Variants in ATXN7L1 observed in about 807,000 individuals in gnomAD.
ATXN7L1 encodes the protein ataxin 7 like 1.
A neutral mutation model predicts 70.8 loss-of-function variants in ATXN7L1; 15 were observed. The ratio of observed to expected loss-of-function variants is 0.21; its 90% CI spans 0.14 to 0.33. The LOEUF (loss-of-function observed/expected upper bound fraction) is 0.33, where lower values mean the gene tolerates loss of function less well. Among genes scored for constraint, ATXN7L1 ranks in the 10% least tolerant of loss-of-function variants. The pLI is 1.00. For synonymous variants in ATXN7L1, 440 were observed against 445.1 expected (o/e 0.99, Z 0.14); for missense variants, 975 against 1,097.1 (o/e 0.89, Z 1.57).
intron 3 of ATXN7L1, among the ~76,000 whole-genome samples, chr7:105,756,797 C>T (rs1325144323): frequency 6.6e-6 from 1 of 152,148 alleles, no homozygotes; most frequent in Non-Finnish European, 1.5e-5. Flanking sequence ...AACTCATTCA[C>T]TTAACGGTGA....
At chr7:105,681,914 G>A (rs966043443) in intron 3 of ATXN7L1, among the ~76,000 whole-genome samples, 2 of 152,038 alleles carry the variant, frequency 1.3e-5, no homozygotes, top group Non-Finnish European at 2.9e-5. Context: ...ATAGAGTTTC[G>A]GTTTTGCAAG....
At chr7:105,637,664 TG>T (rs1291726212) in intron 7 of ATXN7L1, among the ~76,000 whole-genome samples, 5 of 152,336 alleles carry the variant, frequency 3.3e-5, no homozygotes, top group African/African-American at 9.6e-5. Flanking sequence ...TGGACATGCA[TG>T]GATTTTAAAT....
intron 9 of ATXN7L1, chr7:105,617,741 T>G (rs1794122896): frequency 3.4e-5 from 12 of 356,820 alleles, no homozygotes; most frequent in South Asian, 1.7e-4. Context: ...AATAAATTAC[T>G]GACAGTGCCC....
chr7:105,768,476 C>T (rs1244363289), intron 3 of ATXN7L1, among the ~76,000 whole-genome samples: 2 of 152,318 alleles, frequency 1.3e-5, no homozygotes, highest in African/African-American at 2.4e-5. Context: ...TGTGCCTGTA[C>T]TCCAGCTCTC....
intron 2 of ATXN7L1, among the ~76,000 whole-genome samples, chr7:105,873,909 G>A (rs1244136317): frequency 7.2e-5 from 11 of 151,976 alleles, no homozygotes; most frequent in Admixed American, 7.2e-4. Flanking sequence ...GGCAGATCAC[G>A]AGGTCAAGAG....
rs573733959 is a variant in ATXN7L1, at chr7:105,724,573, CAAAAAAAAAAAA to C, written c.356-59297_356-59286del. Reference sequence around the variant, plus strand: ...TGGACGACAGAGCAAGACTCTGTCTCAAAAAAAAAAAAAAAAAAAAAAAAAAAAAAGGAGGCC... The same window carrying C: ...TGGACGACAGAGCAAGACTCTGTCTCAAAAAAAAAAAAAAAAAAGGAGGCC... On this transcript the variant is annotated intron_variant, in intron 3 of 11. Coordinates refer to ENST00000419735, the MANE Select transcript of ATXN7L1 (RefSeq NM_020725.2). Among the ~76,000 whole-genome samples, 115 of 80,450 alleles carry C rather than the reference CAAAAAAAAAAAA, an allele frequency of 1.4e-3. 3 individuals carry two copies. Among genetic ancestry groups the C allele is most frequent in the East Asian group, 3.4e-3 (10 of 2,960 alleles). 52.8% of individuals were successfully genotyped at this position (80,450 alleles called of 152,430 possible).
Position 105,639,392 on chromosome 7 carries a change from G to A in ATXN7L1, c.945+95C>T, listed in dbSNP as rs1405848788. 4.1e-6 allele frequency: 4 copies of A among 977,600 alleles called. No individual in the cohort carries two copies. The East Asian group carries it at 7.9e-5, about 19-fold the overall frequency. The allele number at this position is 977,600 out of a possible 1,614,324, so 60.6% of individuals were successfully genotyped here. On this transcript the variant is annotated intron_variant, in intron 6 of 11. Coordinates refer to ENST00000419735, the MANE Select transcript of ATXN7L1 (RefSeq NM_020725.2). ...AAGAACAGCTGGGGGTCATGTCGAG[G>A]TTCCACACCCTGCCGTGTGCAGAGA... is the stretch of plus-strand genomic sequence containing the variant.
At chr7:105,609,256 A>C (rs1287610061) in intron 11 of ATXN7L1, among the ~76,000 whole-genome samples, 1 of 149,148 alleles carries the variant, frequency 6.7e-6, no homozygotes, top group African/African-American at 2.5e-5. Flanking sequence ...TGCAACCTCC[A>C]TCTCCCGGGT....
At chr7:105,692,915 A>T (rs1463539714) in intron 3 of ATXN7L1, among the ~76,000 whole-genome samples, 1 of 151,530 alleles carries the variant, frequency 6.6e-6, no homozygotes, top group Non-Finnish European at 1.5e-5. Context: ...GTAGACACGG[A>T]GTCTTGCCAC....
intron 2 of ATXN7L1, among the ~76,000 whole-genome samples, chr7:105,859,389 A>G (rs190554468): frequency 6.6e-6 from 1 of 152,100 alleles, no homozygotes; most frequent in East Asian, 1.9e-4. Context: ...ACAGAAATAT[A>G]AATATATATA....
chr7:105,729,399 C>T (rs1796269289), intron 3 of ATXN7L1, among the ~76,000 whole-genome samples: 2 of 150,212 alleles, frequency 1.3e-5, no homozygotes, highest in South Asian at 4.2e-4. Flanking sequence ...GACATTCCAT[C>T]CTTAAGGCAT....
chr7:105,762,151 T>C (rs904982422), intron 3 of ATXN7L1, among the ~76,000 whole-genome samples: 3 of 152,224 alleles, frequency 2.0e-5, no homozygotes, highest in African/African-American at 7.2e-5. Flanking sequence ...GACTGAGCTA[T>C]CATCCTAAGT....
At chr7:105,620,034 G>A (rs1160157559) in intron 9 of ATXN7L1, among the ~76,000 whole-genome samples, 166 bp downstream of exon 9, 1 of 152,150 alleles carries the variant, frequency 6.6e-6, no homozygotes, top group Non-Finnish European at 1.5e-5. Context: ...AAAACCTTCA[G>A]GCAAACCATT....
At chr7:105,633,928 G>A (rs577547921) in intron 7 of ATXN7L1, among the ~76,000 whole-genome samples, 13 of 152,268 alleles carry the variant, frequency 8.5e-5, no homozygotes, top group Middle Eastern at 3.4e-3. Flanking sequence ...CGGTGTGCTC[G>A]TGTGTGCACA....
At chr7:105,716,945 T>TA in intron 3 of ATXN7L1, among the ~76,000 whole-genome samples, 1 of 151,918 alleles carries the variant, frequency 6.6e-6, no homozygotes, top group Admixed American at 6.6e-5. Context: ...AAGTGTATGA[T>TA]AAAGATTTTA....
intron 2 of ATXN7L1, chr7:105,819,408 A>G: frequency 1.8e-6 from 1 of 541,734 alleles, no homozygotes; most frequent in South Asian, 1.9e-5. Context: ...ATTTAAAATT[A>G]GAGCAAAGCA....
At chr7:105,741,492 G>C (rs1418577645) in intron 3 of ATXN7L1, among the ~76,000 whole-genome samples, 1 of 152,154 alleles carries the variant, frequency 6.6e-6, no homozygotes, top group Non-Finnish European at 1.5e-5. Flanking sequence ...AGAAGTATCA[G>C]TACGATGCCT....
intron 2 of ATXN7L1, among the ~76,000 whole-genome samples, chr7:105,840,555 C>G (rs4634563): frequency 6.6e-6 from 1 of 152,182 alleles, no homozygotes; most frequent in Non-Finnish European, 1.5e-5. Flanking sequence ...GTGCCAGAAT[C>G]TGAGCAACAC....
chr7:105,736,643 G>A (rs964934492), intron 3 of ATXN7L1, among the ~76,000 whole-genome samples: 16 of 152,142 alleles, frequency 1.1e-4, no homozygotes, highest in Non-Finnish European at 1.5e-5. Flanking sequence ...GGACAGATTG[G>A]AGCTGTAAAC....
Sources: allele counts gnomAD v4.1 joint callset (sites outside exome capture counted in the v4.1 genomes callset), GRCh38; gene constraint gnomAD v4.1.1; transcripts MANE v1.5; gene names NCBI Gene and HGNC (gene_info 2026-07-23, HGNC 2026-07-21).